CTNNA3: variants seen among roughly 807,000 people sequenced by gnomAD.
CTNNA3 encodes catenin alpha-3.
A neutral mutation model predicts 95.7 loss-of-function variants in CTNNA3; 76 were observed. The ratio of observed to expected loss-of-function variants is 0.79; its 90% CI spans 0.66 to 0.96. The LOEUF (loss-of-function observed/expected upper bound fraction) is 0.96, where lower values mean the gene tolerates loss of function less well. Among genes scored for constraint, CTNNA3 ranks in the 40% least tolerant of loss-of-function variants. The pLI, the probability that CTNNA3 is intolerant of heterozygous loss-of-function variation, is 0.00. For synonymous variants in CTNNA3, 431 were observed against 374.4 expected, an observed-to-expected ratio of 1.15 and a Z score of -1.74; for missense variants, 1,191 against 1,089.8, an observed-to-expected ratio of 1.09 and a Z score of -1.31.
intron 15 of CTNNA3, among the ~76,000 whole-genome samples, chr10:66,040,041 A>G (rs779363255): frequency 4.6e-5 from 7 of 152,198 alleles, no homozygotes; most frequent in Non-Finnish European, 8.8e-5. Flanking sequence ...TAAAACAAAC[A>G]ACCCCATATA....
Position 66,436,618 on chromosome 10 carries a change from C to T in CTNNA3, c.1532-57266G>A, listed in dbSNP as rs2093340205. ...TGAGATAAGTCTCCTGAATACAGGA[C>T]ACCTATGGGTCTTGACTCTTTATCC... On this transcript the variant is annotated intron_variant, in intron 11 of 17. Transcript: ENST00000433211. 2.0e-5 allele frequency among the ~76,000 whole-genome samples: 3 copies of T among 149,610 alleles called. No individual in the cohort carries two copies. In the Admixed American group the frequency reaches 2.0e-4, roughly 10 times the overall value.
chr10:66,605,246 G>T (rs908650116), intron 10 of CTNNA3, among the ~76,000 whole-genome samples: 1 of 151,944 alleles, frequency 6.6e-6, no homozygotes, highest in Non-Finnish European at 1.5e-5. Flanking sequence ...AAGACAGTCA[G>T]AAAAGAATAG....
At chr10:66,391,307 C>T (rs2092931932) in intron 11 of CTNNA3, among the ~76,000 whole-genome samples, 1 of 152,042 alleles carries the variant, frequency 6.6e-6, no homozygotes, top group Non-Finnish European at 1.5e-5. Flanking sequence ...TAGAAGAACA[C>T]ACACACACGA....
chr10:66,769,381 C>T (rs1028393078), intron 8 of CTNNA3, among the ~76,000 whole-genome samples: 6 of 152,182 alleles, frequency 3.9e-5, no homozygotes, highest in Non-Finnish European at 8.8e-5. Context: ...CAAAGTGTAA[C>T]TAATTCAACC....
intron 9 of CTNNA3, among the ~76,000 whole-genome samples, chr10:66,720,758 C>T (rs775759856): frequency 5.9e-5 from 9 of 151,882 alleles, no homozygotes; most frequent in South Asian, 2.1e-4. Flanking sequence ...TGCTTGAACT[C>T]GGAGGCAGAG....
intron 13 of CTNNA3, among the ~76,000 whole-genome samples, chr10:66,248,797 T>C (rs192604010): frequency 1.3e-5 from 2 of 152,302 alleles, no homozygotes; most frequent in Non-Finnish European, 2.9e-5. Context: ...CAATAATAGC[T>C]GGACACTTCA....
At chr10:66,467,802 G>T (rs973389247) in intron 11 of CTNNA3, among the ~76,000 whole-genome samples, 2 of 152,050 alleles carry the variant, frequency 1.3e-5, no homozygotes, top group African/African-American at 4.8e-5. Context: ...AGTGAAATTA[G>T]CATTGAGTTA....
intron 3 of CTNNA3, among the ~76,000 whole-genome samples, chr10:67,560,093 T>C (rs1435400160): frequency 2.6e-5 from 4 of 152,120 alleles, no homozygotes; most frequent in Admixed American, 6.5e-5. Flanking sequence ...ACTTCCCCAA[T>C]CTAGCAAGGC....
At chr10:67,649,949 C>T (rs1839829619) in intron 1 of CTNNA3, among the ~76,000 whole-genome samples, 1 of 152,204 alleles carries the variant, frequency 6.6e-6, no homozygotes, top group South Asian at 2.1e-4. Context: ...AAGTGATTCT[C>T]CTGCCTCAGC....
At chr10:66,802,450 C>A (rs1213716563) in intron 7 of CTNNA3, among the ~76,000 whole-genome samples, 6 of 151,868 alleles carry the variant, frequency 4.0e-5, no homozygotes, top group East Asian at 3.9e-4. Context: ...ACCATCTCAA[C>A]ACCCACTAGA....
chr10:66,764,887 A>C (rs776111529), intron 9 of CTNNA3, among the ~76,000 whole-genome samples: 1 of 152,252 alleles, frequency 6.6e-6, no homozygotes, highest in Non-Finnish European at 1.5e-5. Flanking sequence ...GTCAATGACT[A>C]TGAAGAGGCC....
At chr10:66,432,266 G>A (rs1431304503) in intron 11 of CTNNA3, among the ~76,000 whole-genome samples, 1 of 152,068 alleles carries the variant, frequency 6.6e-6, no homozygotes, top group Admixed American at 6.6e-5. Flanking sequence ...CCAGAAGAAA[G>A]CCACAATTAA....
chr10:66,872,944 A>G (rs1026789360), intron 7 of CTNNA3, among the ~76,000 whole-genome samples: 4 of 152,020 alleles, frequency 2.6e-5, no homozygotes, highest in African/African-American at 4.8e-5. Flanking sequence ...AGAACATCTG[A>G]TATTTGGTTT....
intron 1 of CTNNA3, among the ~76,000 whole-genome samples, chr10:67,667,874 C>G (rs1338559848): frequency 6.6e-6 from 1 of 151,924 alleles, no homozygotes; most frequent in African/African-American, 2.4e-5. Flanking sequence ...AAAATAGATA[C>G]CTGGGCTTTT....
chr10:67,740,660 C>G lies in CTNNA3; in HGVS notation c.-2+22774G>C, dbSNP rs903998381. ...CAGTCATTAAAAAGTCAGGAAACAACAGGTGCTGGAGAGGATGTGGAGAAA... is the reference window on the plus strand; with the variant it reads ...CAGTCATTAAAAAGTCAGGAAACAAGAGGTGCTGGAGAGGATGTGGAGAAA... On this transcript the variant is annotated intron_variant, in intron 1 of 17. Coordinates refer to the CTNNA3 transcript ENST00000684154. Among the ~76,000 whole-genome samples, 7 of 151,448 alleles carry G rather than the reference C, an allele frequency of 4.6e-5. 1 individual carries two copies. The highest frequency in any genetic ancestry group is 1.4e-4 in the African/African-American group (6 of 41,432).
chr10:66,927,849 G>A lies in CTNNA3; in HGVS notation c.1048-152325C>T, dbSNP rs1374843151. On this transcript the variant is annotated intron_variant, in intron 7 of 17. Coordinates refer to ENST00000433211, the MANE Select transcript of CTNNA3 (RefSeq NM_013266.4). The surrounding 1 kb of genome is among the most constrained non-coding windows in gnomAD (Gnocchi z 4.7). The stretch of plus-strand genomic sequence containing the variant: ...CCCTCAATGACATCAGTCTTGCTGG[G>A]AATATATGGGAATGCAGCAGAAATA... 3.1e-6 allele frequency: 5 copies of A among 1,614,094 alleles called. No homozygotes were observed. Among genetic ancestry groups the A allele is most frequent in the Admixed American group, 1.7e-5 (1 of 60,016 alleles).
At chr10:66,984,752 A>G (rs375119308) in intron 7 of CTNNA3, among the ~76,000 whole-genome samples, 1 of 152,196 alleles carries the variant, frequency 6.6e-6, no homozygotes, top group Admixed American at 6.5e-5. Context: ...TGCTACAAAG[A>G]AAGGAAAACG....
At chr10:65,959,791 CA>C (rs2077805107) in intron 17 of CTNNA3, among the ~76,000 whole-genome samples, 1 of 152,130 alleles carries the variant, frequency 6.6e-6, no homozygotes, top group Non-Finnish European at 1.5e-5. Context: ...GCTGGGATTA[CA>C]GCCCTGAGCC....
intron 15 of CTNNA3, among the ~76,000 whole-genome samples, chr10:66,068,952 C>T (rs995052075): frequency 3.3e-5 from 5 of 152,092 alleles, no homozygotes; most frequent in African/African-American, 1.2e-4. Context: ...AATTACACAG[C>T]TATGAAACTC....
Sources: gnomAD v4.1 joint callset for allele counts (sites outside exome capture counted in the v4.1 genomes callset) on GRCh38, gnomAD v4.1.1 for gene constraint, Gnocchi (gnomAD v3.1) non-coding constraint, MANE v1.5 for transcripts, NCBI Gene and HGNC (gene_info 2026-07-23, HGNC 2026-07-21) for gene names.